Variants in PTPRT observed in about 807,000 individuals in gnomAD.
PTPRT encodes the protein protein tyrosine phosphatase receptor type T, also known as receptor-type tyrosine-protein phosphatase T.
In PTPRT, 56 loss-of-function variants were observed where a neutral mutation model predicts 176.8. The observed-to-expected ratio is 0.32, with a 90% CI of 0.26 to 0.40. The LOEUF (loss-of-function observed/expected upper bound fraction) is 0.40. PTPRT is among the 10% of genes least tolerant of loss of function. The pLI is 1.00. For synonymous variants in PTPRT, 783 were observed against 739.0 expected, an observed-to-expected ratio of 1.06 and a Z score of -0.96; for missense variants, 1,540 against 1,908.2, an observed-to-expected ratio of 0.81 and a Z score of 3.60.
intron 7 of PTPRT, among the ~76,000 whole-genome samples, chr20:42,580,983 G>C (rs567401993): frequency 6.6e-6 from 1 of 151,964 alleles, no homozygotes; most frequent in Non-Finnish European, 1.5e-5. Flanking sequence ...GTCTTGTGCC[G>C]AGTCTTGCAA....
At chr20:42,446,924 G>A (rs760645240) in intron 9 of PTPRT, among the ~76,000 whole-genome samples, 2 of 152,126 alleles carry the variant, frequency 1.3e-5, no homozygotes, top group Non-Finnish European at 2.9e-5. Context: ...AGAGGGAGAT[G>A]TTAGCTCTCC....
At chr20:42,372,279 CTTTTTTTTT>C (rs10588893) in intron 9 of PTPRT, among the ~76,000 whole-genome samples, 2 of 83,664 alleles carry the variant, frequency 2.4e-5, no homozygotes, top group East Asian at 8.3e-4. Context: ...TTTCTTAACT[CTTTTTTTTT>C]TTTTTTTTTT....
intron 15 of PTPRT, among the ~76,000 whole-genome samples, chr20:42,199,718 G>C (rs952704152): frequency 1.3e-5 from 2 of 152,140 alleles, no homozygotes; most frequent in African/African-American, 4.8e-5. Context: ...TCCTTTCAGA[G>C]GGAGGAAGTG....
intron 12 of PTPRT, among the ~76,000 whole-genome samples, chr20:42,295,328 A>C (rs1169706465): frequency 6.6e-6 from 1 of 152,228 alleles, no homozygotes; most frequent in Non-Finnish European, 1.5e-5. Context: ...AAGCTCAGAG[A>C]AAGTATTAAT....
At chr20:42,738,986 T>C (rs967759699) in intron 6 of PTPRT, among the ~76,000 whole-genome samples, 3 of 152,152 alleles carry the variant, frequency 2.0e-5, no homozygotes, top group African/African-American at 7.2e-5. Context: ...GGAGGATCGC[T>C]GAGCCTGGGA....
chr20:42,362,267 TA>T (rs1303155052), intron 9 of PTPRT, among the ~76,000 whole-genome samples: 6 of 151,990 alleles, frequency 3.9e-5, no homozygotes, highest in Non-Finnish European at 4.4e-5. Context: ...ACCCTGTCTC[TA>T]AAAAACAAAA....
intron 9 of PTPRT, among the ~76,000 whole-genome samples, chr20:42,365,055 A>G (rs759795606): frequency 1.1e-4 from 16 of 152,248 alleles, no homozygotes; most frequent in Admixed American, 2.0e-4. Flanking sequence ...AAAGGCAAAG[A>G]GAAGCAGGTG....
intron 1 of PTPRT, among the ~76,000 whole-genome samples, chr20:43,054,562 G>T (rs1038994379): frequency 1.6e-5 from 2 of 123,230 alleles, no homozygotes; most frequent in African/African-American, 6.2e-5. Flanking sequence ...TCCAAAAAAA[G>T]AAGGGGAAAA....
At chr20:43,082,898 CTCA>C (rs1227890627) in intron 1 of PTPRT, among the ~76,000 whole-genome samples, 1 of 152,144 alleles carries the variant, frequency 6.6e-6, no homozygotes, top group East Asian at 1.9e-4. Flanking sequence ...AGACCCCTCA[CTCA>C]TCATGATGGC....
At position 42,798,877 on chromosome 20, in the gene PTPRT, T is replaced by C. The variant is rs2077489743; in HGVS notation, c.215-7411A>G. On this transcript the variant is annotated intron_variant, in intron 2 of 30. Transcript: ENST00000373187. ...TGGTATTAACCCCCAGTGATTGGAT[T>C]TGAAGGCGCACTGGTGGAGAGGCTC... Among the ~76,000 whole-genome samples, 7 of 151,880 alleles carry C rather than the reference T, an allele frequency of 4.6e-5. No individual in the cohort carries two copies. The South Asian group carries it at 1.5e-3, about 32-fold the overall frequency.
At chr20:42,864,540 C>T (rs1246212613) in intron 2 of PTPRT, among the ~76,000 whole-genome samples, 1 of 152,226 alleles carries the variant, frequency 6.6e-6, no homozygotes, top group Non-Finnish European at 1.5e-5. Flanking sequence ...AAATGTTTGT[C>T]ATTCAATCCC....
At chr20:42,339,872 C>T (rs2058088299) in intron 11 of PTPRT, among the ~76,000 whole-genome samples, 1 of 152,176 alleles carries the variant, frequency 6.6e-6, no homozygotes. Flanking sequence ...TAAGCCCAGC[C>T]ATAGGTCCCA....
At chr20:42,787,681 A>G (rs6016891) in intron 3 of PTPRT, among the ~76,000 whole-genome samples, 29,108 of 152,190 alleles carry the variant, frequency 0.19, 3,857 homozygotes, top group African/African-American at 0.38. Context: ...AGAGAATATA[A>G]GGCTATATGC....
chr20:42,376,776 G>A (rs1443899632), intron 9 of PTPRT, among the ~76,000 whole-genome samples: 1 of 152,120 alleles, frequency 6.6e-6, no homozygotes, highest in Non-Finnish European at 1.5e-5. Flanking sequence ...AAAAGCCTGG[G>A]GAGTACGAAA....
chr20:42,478,017 C>CT (rs1467431769), intron 7 of PTPRT, among the ~76,000 whole-genome samples: 1 of 151,840 alleles, frequency 6.6e-6, no homozygotes, highest in Non-Finnish European at 1.5e-5. Flanking sequence ...TTATGACCCC[C>CT]TAGAATTCCC....
chr20:43,185,320 C>T (rs1378180961), intron 1 of PTPRT, among the ~76,000 whole-genome samples: 2 of 152,030 alleles, frequency 1.3e-5, no homozygotes, highest in Admixed American at 6.6e-5. Context: ...ATCTTTTTCC[C>T]CCACAGCCCC....
At chr20:42,801,130 A>G (rs2145584524) in intron 2 of PTPRT, among the ~76,000 whole-genome samples, 1 of 152,286 alleles carries the variant, frequency 6.6e-6, no homozygotes, top group East Asian at 1.9e-4. Context: ...GCTTTGCAAA[A>G]TGCCTGCCCT....
At chr20:42,293,291 TA>T (rs1476015773) in intron 12 of PTPRT, among the ~76,000 whole-genome samples, 3 of 152,236 alleles carry the variant, frequency 2.0e-5, no homozygotes, top group Non-Finnish European at 4.4e-5. Context: ...CTAAGTCCAC[TA>T]AGACTTTTAT....
chr20:42,331,928 C>G (rs966780810), intron 11 of PTPRT, among the ~76,000 whole-genome samples: 6 of 151,974 alleles, frequency 3.9e-5, no homozygotes, highest in Admixed American at 2.0e-4. Context: ...TTAATATTGA[C>G]CCTGGAAAGG....
Sources: gnomAD v4.1 joint callset for allele counts (sites outside exome capture counted in the v4.1 genomes callset) on GRCh38, gnomAD v4.1.1 for gene constraint, MANE v1.5 for transcripts, NCBI Gene and HGNC (gene_info 2026-07-23, HGNC 2026-07-21) for gene names.